BNIP5: variants seen among roughly 807,000 people sequenced by gnomAD.
The protein encoded by BNIP5 is protein BNIP5.
BNIP5 carries 61 observed loss-of-function variants against 67.3 expected under a neutral mutation model. The observed-to-expected ratio is 0.91, with a 90% CI of 0.74 to 1.12. The LOEUF is 1.12. Ranked by LOEUF, BNIP5 falls within the 50% of genes most tolerant of loss-of-function variation. The pLI is 0.00. For synonymous variants in BNIP5, 317 were observed against 319.0 expected (o/e 0.99, Z 0.07); for missense variants, 826 against 816.3 (o/e 1.01, Z -0.14).
chr6:36,328,061 G>T (rs985283731), intron 3 of BNIP5, among the ~76,000 whole-genome samples: 2 of 152,136 alleles, frequency 1.3e-5, no homozygotes, highest in Non-Finnish European at 2.9e-5. Context: ...ATGAATAGGG[G>T]ATTATGCTCC....
intron 6 of BNIP5, among the ~76,000 whole-genome samples, chr6:36,324,575 T>C (rs1476353435): frequency 2.0e-5 from 1 of 50,818 alleles, no homozygotes; most frequent in African/African-American, 6.3e-5. Flanking sequence ...GACGGTGATA[T>C]TATATATATA....
At chr6:36,326,869 C>T (rs1306251060) in intron 4 of BNIP5, 116 bp from the exon 5 acceptor site, 3 of 1,484,680 alleles carry the variant, frequency 2.0e-6, no homozygotes, top group Non-Finnish European at 2.8e-6. Context: ...GGGGAGGCAG[C>T]AGAGCCCAGA....
chr6:36,331,151 G>C (rs73406937), intron 1 of BNIP5, among the ~76,000 whole-genome samples: 3 of 152,188 alleles, frequency 2.0e-5, no homozygotes, highest in Non-Finnish European at 4.4e-5. Flanking sequence ...GCCCACTAAC[G>C]TGAGTAGTGT....
At chr6:36,321,918 T>C (rs1437528230) in intron 9 of BNIP5, among the ~76,000 whole-genome samples, 1 of 152,198 alleles carries the variant, frequency 6.6e-6, no homozygotes, top group Non-Finnish European at 1.5e-5. Flanking sequence ...CAGCTTGAAA[T>C]CAGCCAAAGT....
chr6:36,319,660 C>T (rs757792547), intron 10 of BNIP5, 50 bp from the exon 11 acceptor site: 2 of 1,571,650 alleles, frequency 1.3e-6, no homozygotes, highest in South Asian at 1.2e-5. Context: ...CAGTACCCCT[C>T]CCGCCAACTG....
In BNIP5 at chr6:36,327,200, A is replaced by G. The variant is rs1254090746; in HGVS notation, c.728-106T>C. ...CTTAAACAACTCTTTAGGCCACACA[A>G]TGGAGGGAAAGCACCACATCCCAGG... On this transcript the variant is annotated intron_variant, in intron 3 of 11. Coordinates refer to ENST00000437635, the MANE Select transcript of BNIP5 (RefSeq NM_001010903.5). 5.1e-6 allele frequency: 5 copies of G among 980,584 alleles called. No homozygotes were observed. The Middle Eastern group carries it at 8.5e-4, about 166-fold the overall frequency. 60.7% of individuals were successfully genotyped at this position (980,584 alleles called of 1,614,324 possible).
intron 11 of BNIP5, among the ~76,000 whole-genome samples, chr6:36,317,806 AAATG>A (rs71971570): frequency 0.16 from 24,189 of 151,734 alleles, 2,250 homozygotes; most frequent in East Asian, 0.38. Context: ...GCTACCAGTT[AAATG>A]AATGAATGAA....
chr6:36,317,895 A>ATATGTTCTAT (rs1771554188), intron 11 of BNIP5, among the ~76,000 whole-genome samples: 1 of 152,206 alleles, frequency 6.6e-6, no homozygotes, highest in Admixed American at 6.5e-5. Context: ...ATGTTTCTAT[A>ATATGTTCTAT]ATATCTTTCA....
chr6:36,326,492 AC>A lies in BNIP5; in HGVS notation c.1036+17del. ...AGGCAGCTGCAGGGTTGCTATGGCA[AC>A]TGCAGAGCCTGCTCACCATAGCTGC... On this transcript the variant is annotated intron_variant, in intron 5 of 11. Coordinates refer to ENST00000437635, the MANE Select transcript of BNIP5 (RefSeq NM_001010903.5). The A allele has an allele frequency of 1.2e-6, 2 of 1,613,506 alleles. No homozygotes were observed. Among genetic ancestry groups the A allele is most frequent in the Non-Finnish European group, 1.7e-6 (2 of 1,179,700 alleles).
rs1771646983 is a variant in BNIP5, at chr6:36,322,013, AC to A, written c.1603+297del. Among the ~76,000 whole-genome samples, 3 of 152,360 alleles carry A rather than the reference AC, an allele frequency of 2.0e-5. No homozygotes were observed. The South Asian group carries it at 6.2e-4, about 32-fold the overall frequency. On this transcript the variant is annotated intron_variant, in intron 9 of 11. Coordinates refer to ENST00000437635, the MANE Select transcript of BNIP5 (RefSeq NM_001010903.5). The stretch of plus-strand genomic sequence containing the variant: ...TGGAGAGCCTGTCTGCCAGCACACC[AC>A]TGCTTATGAGACCCGGAGCAAGCTA...
Position 36,326,762 on chromosome 6 carries a change from G to C in BNIP5, c.793-9C>G. ...TGTGAGGCCAGAGATTGCTGTTGGG[G>C]AGAGGAGAAAAACTGGTCAGGTTCA... is the stretch of plus-strand genomic sequence containing the variant. On this transcript the variant is annotated splice_polypyrimidine_tract_variant and intron_variant, in intron 4 of 11. Coordinates refer to ENST00000437635, the MANE Select transcript of BNIP5 (RefSeq NM_001010903.5). 1.2e-6 allele frequency: 2 copies of C among 1,613,680 alleles called. No homozygotes were observed. The highest frequency in any genetic ancestry group is 1.7e-6 in the Non-Finnish European group (2 of 1,180,000).
chr6:36,326,413 C>A (rs1457397385), intron 5 of BNIP5, 97 bp downstream of exon 5: 5 of 1,483,290 alleles, frequency 3.4e-6, no homozygotes, highest in East Asian at 4.6e-5. Flanking sequence ...AGACCAGGCA[C>A]AACGCAACCT....
chr6:36,336,175 G>T (rs189603127), intron 1 of BNIP5, among the ~76,000 whole-genome samples: 8 of 152,248 alleles, frequency 5.3e-5, no homozygotes, highest in Non-Finnish European at 8.8e-5. Context: ...ATTTTAATAA[G>T]ATTTCCCCAT....
chr6:36,323,183 G>A lies in BNIP5; in HGVS notation c.1471+110C>T, dbSNP rs575494847. Reference sequence around the variant, plus strand: ...TGGAAAGACACAGTCAGGGCTTTCAGCAACAGTGGACATCCTCCACTATGC... The same window carrying A: ...TGGAAAGACACAGTCAGGGCTTTCAACAACAGTGGACATCCTCCACTATGC... On this transcript the variant is annotated intron_variant, in intron 8 of 11. Coordinates refer to ENST00000437635, the MANE Select transcript of BNIP5 (RefSeq NM_001010903.5). The A allele has an allele frequency of 2.1e-5, 30 of 1,450,316 alleles. No homozygotes were observed. The East Asian group carries it at 6.2e-4, about 30-fold the overall frequency. The allele number at this position is 1,450,316 out of a possible 1,614,324, so 89.8% of individuals were successfully genotyped here.
In BNIP5 at chr6:36,322,552, C is replaced by T. The variant is rs74784548; in HGVS notation, c.1472-110G>A. ...AGCAGGGGCTGGTTTCCAGGCTCCT[C>T]GGTGAGTTTCCTGCCCCCGGCTCTG... On this transcript the variant is annotated intron_variant, in intron 8 of 11. Transcript: ENST00000437635. 9.3e-5 allele frequency: 114 copies of T among 1,222,930 alleles called. No homozygotes were observed. In the East Asian group the frequency reaches 1.8e-3, roughly 19 times the overall value. The allele number at this position is 1,222,930 out of a possible 1,614,324, so 75.8% of individuals were successfully genotyped here.
Position 36,330,071 on chromosome 6 carries a change from G to T in BNIP5, c.610+10C>A. On this transcript the variant is annotated intron_variant, in intron 2 of 11. Coordinates refer to ENST00000437635, the MANE Select transcript of BNIP5 (RefSeq NM_001010903.5). ...AGGGGTTGCCATAGGAACAGGCACGGTCCGCTCACCCCTGCGAGCTGGGCC... is the reference window on the plus strand; with the variant it reads ...AGGGGTTGCCATAGGAACAGGCACGTTCCGCTCACCCCTGCGAGCTGGGCC... The T allele has an allele frequency of 6.3e-7, 1 of 1,589,270 alleles. No homozygotes were observed. Among genetic ancestry groups the T allele is most frequent in the South Asian group, 1.1e-5 (1 of 88,674 alleles).
chr6:36,327,984 T>C (rs1345192497), intron 3 of BNIP5, among the ~76,000 whole-genome samples: 1 of 152,252 alleles, frequency 6.6e-6, no homozygotes, highest in Non-Finnish European at 1.5e-5. Context: ...AGTTATTCTT[T>C]GACATATGCA....
At position 36,316,623 on chromosome 6, in the gene BNIP5, T is replaced by G. The variant is rs141923888; in HGVS notation, c.*733A>C. 5.0e-6 allele frequency: 2 copies of G among 398,708 alleles called. No homozygotes were observed. Among genetic ancestry groups the G allele is most frequent in the Non-Finnish European group, 8.8e-6 (2 of 226,132 alleles). 24.7% of individuals were successfully genotyped at this position (398,708 alleles called of 1,614,324 possible). On this transcript the variant is annotated 3_prime_UTR_variant, in exon 12 of 12. Transcript: ENST00000437635. The stretch of plus-strand genomic sequence containing the variant: ...GAAAACTACCCAAAAGAAGCTATAG[T>G]GCCTACATGGACATGGCACTAGGTA...
chr6:36,330,336 C>G lies in BNIP5; in HGVS notation c.355G>C (p.Ala119Pro). ...TCCTTCCCCCTTGGCCTCCTGCTGG[C>G]CTTTTCTCTGGGCTCCTCAGGGCCC... is the stretch of plus-strand genomic sequence containing the variant. Reference protein sequence around the residue: ...RTGPEEPREKASRRPRGKEGI... With the variant: ...RTGPEEPREKPSRRPRGKEGI... The change falls in exon 2 of 12, where the codon GCC (alanine) becomes CCC (proline). Residue 119 changes from alanine to proline, a missense_variant. Physicochemically the swap from Ala to Pro is conservative, Grantham distance 27. Coordinates refer to ENST00000437635, the MANE Select transcript of BNIP5 (RefSeq NM_001010903.5). 6.2e-7 allele frequency: 1 copy of G among 1,614,246 alleles called. No homozygotes were observed. Among genetic ancestry groups the G allele is most frequent in the Non-Finnish European group, 8.5e-7 (1 of 1,180,046 alleles).
Sources: allele counts gnomAD v4.1 joint callset (sites outside exome capture counted in the v4.1 genomes callset), GRCh38; gene constraint gnomAD v4.1.1; transcripts MANE v1.5; gene names NCBI Gene and HGNC (gene_info 2026-07-23, HGNC 2026-07-21).